MACROD2: variants seen among roughly 807,000 people sequenced by gnomAD.
MACROD2 encodes the protein mono-ADP ribosylhydrolase 2.
MACROD2 carries 36 observed loss-of-function variants against 70.4 expected under a neutral mutation model. The ratio of observed to expected loss-of-function variants is 0.51; its 90% CI spans 0.39 to 0.68. The LOEUF (loss-of-function observed/expected upper bound fraction) is 0.68. MACROD2 is among the 30% of genes least tolerant of loss of function. The probability of loss-of-function intolerance (pLI) is 0.00; values close to 1 mark genes in which losing one functional copy is unlikely to be tolerated. For synonymous variants in MACROD2, 172 were observed against 178.8 expected (o/e 0.96, Z 0.30); for missense variants, 496 against 538.4 (o/e 0.92, Z 0.78).
chr20:14,715,874 C>T (rs1388762029), intron 5 of MACROD2, among the ~76,000 whole-genome samples: 1 of 152,106 alleles, frequency 6.6e-6, no homozygotes, highest in Non-Finnish European at 1.5e-5. Flanking sequence ...GACCTTTTTG[C>T]TGCTGAAACA....
chr20:14,823,280 A>G (rs532052391), intron 5 of MACROD2, among the ~76,000 whole-genome samples: 3 of 152,268 alleles, frequency 2.0e-5, no homozygotes, highest in East Asian at 3.9e-4. Flanking sequence ...TGAGACTACA[A>G]TCAAACCTTT....
intron 8 of MACROD2, among the ~76,000 whole-genome samples, chr20:15,669,619 G>C (rs993285065): frequency 2.6e-5 from 4 of 152,122 alleles, no homozygotes; most frequent in African/African-American, 9.7e-5. Flanking sequence ...CCTCCTTCCT[G>C]GAAGGGCACT....
At chr20:15,207,436 GTTTTTTTTTTT>G (rs548522491) in intron 5 of MACROD2, among the ~76,000 whole-genome samples, 1 of 84,588 alleles carries the variant, frequency 1.2e-5, no homozygotes, top group Non-Finnish European at 2.1e-5. Context: ...TTTGTTTCTG[GTTTTTTTTTTT>G]TTTTTTTTTT....
chr20:15,260,126 G>T (rs540735173), intron 6 of MACROD2, among the ~76,000 whole-genome samples: 161 of 151,340 alleles, frequency 1.1e-3, no homozygotes, highest in Non-Finnish European at 1.2e-3. Flanking sequence ...TAGTTTTTTT[G>T]TGTGTTAGGA....
At chr20:15,425,322 C>A (rs2046283241) in intron 6 of MACROD2, among the ~76,000 whole-genome samples, 1 of 152,196 alleles carries the variant, frequency 6.6e-6, no homozygotes, top group South Asian at 2.1e-4. Flanking sequence ...ATAGCAATTT[C>A]AATGAGTATG....
intron 10 of MACROD2, among the ~76,000 whole-genome samples, chr20:15,922,493 T>C (rs963664829): frequency 6.6e-6 from 1 of 152,230 alleles, no homozygotes; most frequent in Non-Finnish European, 1.5e-5. Flanking sequence ...AATGTGGACT[T>C]GCCTCGTAGT....
At chr20:15,204,110 T>TG (rs1046403471) in intron 5 of MACROD2, among the ~76,000 whole-genome samples, 1 of 152,084 alleles carries the variant, frequency 6.6e-6, no homozygotes, top group African/African-American at 2.4e-5. Flanking sequence ...AATTTTTTGG[T>TG]GGGGGTCACT....
At chr20:16,035,133 ATATTATATAT>A in intron 15 of MACROD2, among the ~76,000 whole-genome samples, 1 of 3,126 alleles carries the variant, frequency 3.2e-4, no homozygotes, top group Non-Finnish European at 5.8e-3. Flanking sequence ...AAAATATTAT[ATATTATATAT>A]TATATATAAA....
At position 15,179,699 on chromosome 20, in the gene MACROD2, T is replaced by C. The variant is rs58299432; in HGVS notation, c.419-50241T>C. On this transcript the variant is annotated intron_variant, in intron 5 of 17. Coordinates refer to ENST00000684519, the MANE Select transcript of MACROD2 (RefSeq NM_001351661.2). ...GAGCACAGGGACTCTGGGTACTCTT[T>C]TTCCCTCCTACCTATGAATTACAGC... is the stretch of plus-strand genomic sequence containing the variant. 7.2e-3 allele frequency among the ~76,000 whole-genome samples: 1,098 copies of C among 152,292 alleles called. 18 individuals are homozygous for C. Among genetic ancestry groups the C allele is most frequent in the African/African-American group, 0.025 (1,041 of 41,562 alleles).
intron 13 of MACROD2, among the ~76,000 whole-genome samples, chr20:15,971,190 A>G (rs1338071832): frequency 2.0e-5 from 3 of 152,162 alleles, no homozygotes; most frequent in African/African-American, 7.2e-5. Context: ...ATTAAAGAGC[A>G]TACATACTTA....
At chr20:15,496,525 A>G (rs2047299831) in intron 7 of MACROD2, among the ~76,000 whole-genome samples, 1 of 152,362 alleles carries the variant, frequency 6.6e-6, no homozygotes, top group South Asian at 2.1e-4. Flanking sequence ...GACAACTTGT[A>G]TAATTTCTCT....
At chr20:14,119,013 T>G (rs1040757753) in intron 3 of MACROD2, among the ~76,000 whole-genome samples, 7 of 151,412 alleles carry the variant, frequency 4.6e-5, no homozygotes, top group Non-Finnish European at 7.4e-5. Context: ...GCTTGGCTAA[T>G]TTTTGTATTT....
intron 6 of MACROD2, among the ~76,000 whole-genome samples, chr20:15,239,848 C>G (rs756821923): frequency 6.6e-6 from 1 of 152,154 alleles, no homozygotes; most frequent in Non-Finnish European, 1.5e-5. Context: ...TGAATGCTCT[C>G]TTTACCATCT....
intron 3 of MACROD2, among the ~76,000 whole-genome samples, chr20:14,334,938 G>C (rs183870543): frequency 3.2e-4 from 49 of 152,200 alleles, no homozygotes; most frequent in African/African-American, 1.2e-3. Context: ...AGGCATAGAA[G>C]TTAAGAAATG....
chr20:14,049,295 G>A (rs946836308), intron 2 of MACROD2, among the ~76,000 whole-genome samples: 3 of 151,914 alleles, frequency 2.0e-5, no homozygotes, highest in Non-Finnish European at 2.9e-5. Context: ...TGGACTGAGA[G>A]GGGCAGAAGA....
Position 15,544,816 on chromosome 20 carries a change from A to C in MACROD2, c.645+44969A>C, listed in dbSNP as rs548320669. On this transcript the variant is annotated intron_variant, in intron 8 of 17. Transcript: ENST00000684519. ...CAACCATGATGGCTGATTTTTAGAGAAAATATATCTTGCTTTTACCCTCTG... is the reference window on the plus strand; with the variant it reads ...CAACCATGATGGCTGATTTTTAGAGCAAATATATCTTGCTTTTACCCTCTG... Among the ~76,000 whole-genome samples the C allele has an allele frequency of 2.0e-5, 3 of 152,240 alleles. No individual in the cohort carries two copies. The South Asian group carries it at 6.2e-4, about 32-fold the overall frequency.
chr20:14,119,277 C>T (rs186591053), intron 3 of MACROD2, among the ~76,000 whole-genome samples: 1 of 144,016 alleles, frequency 6.9e-6, no homozygotes, highest in South Asian at 2.2e-4. Context: ...AAGTGATTCT[C>T]TTGCCTCAGC....
chr20:14,622,133 A>G (rs1232992709), intron 4 of MACROD2, among the ~76,000 whole-genome samples: 1 of 152,152 alleles, frequency 6.6e-6, no homozygotes, highest in African/African-American at 2.4e-5. Context: ...TGTATTCCTG[A>G]GTTAACAAGC....
At chr20:15,528,140 A>AT (rs11482386) in intron 8 of MACROD2, among the ~76,000 whole-genome samples, 61,946 of 151,306 alleles carry the variant, frequency 0.41, 15,321 homozygotes, top group African/African-American at 0.68. Flanking sequence ...GTCTGGACAC[A>AT]TTTTTTTTTA....
Sources: gnomAD v4.1 joint callset for allele counts (sites outside exome capture counted in the v4.1 genomes callset) on GRCh38, gnomAD v4.1.1 for gene constraint, MANE v1.5 for transcripts, NCBI Gene and HGNC (gene_info 2026-07-23, HGNC 2026-07-21) for gene names.